Variants in EMC1 observed in about 807,000 individuals in gnomAD.
EMC1 encodes KIAA0090.
Under a neutral mutation model 128.8 loss-of-function variants are expected in EMC1, and 103 were observed. The ratio of observed to expected loss-of-function variants is 0.80; its 90% CI spans 0.68 to 0.94. The LOEUF is 0.94. Ranked by LOEUF, EMC1 falls within the 40% of genes least tolerant of loss-of-function variation. The pLI is 0.00. For synonymous variants in EMC1, 442 were observed against 490.4 expected, an observed-to-expected ratio of 0.90 and a Z score of 1.30; for missense variants, 1,083 against 1,250.6, an observed-to-expected ratio of 0.87 and a Z score of 2.02.
chr1:19,222,150 T>C (rs1377436488), intron 20 of EMC1, among the ~76,000 whole-genome samples: 1 of 151,450 alleles, frequency 6.6e-6, no homozygotes, highest in Non-Finnish European at 1.5e-5. Flanking sequence ...AGAGGTGGTA[T>C]ATCAGAAATG....
chr1:19,226,420 C>G (rs1057432226), intron 18 of EMC1, among the ~76,000 whole-genome samples: 2 of 151,648 alleles, frequency 1.3e-5, no homozygotes, highest in African/African-American at 2.4e-5. Context: ...AGATAGAGAC[C>G]AACCTAGGCA....
intron 12 of EMC1, among the ~76,000 whole-genome samples, chr1:19,236,165 T>G (rs1339507718): frequency 6.8e-6 from 1 of 147,166 alleles, no homozygotes; most frequent in Non-Finnish European, 1.5e-5. Flanking sequence ...CACCTGAGGT[T>G]AGGAGCTTGA....
rs778091054 is a variant in EMC1 at position 19,219,593 on chromosome 1, G to A, written c.2778C>T (p.Pro926=). 1 of 1,614,116 alleles carries A rather than the reference G, an allele frequency of 6.2e-7. No homozygotes were observed. Among genetic ancestry groups the A allele is most frequent in the Non-Finnish European group, 8.5e-7 (1 of 1,180,016 alleles). ...CCAAACAAGTGGACTCCAGACCCGA[G>A]GGAGCTGTGTAGATACCTCGCATTC... ...VSRMRGIYTA[P]SGLESTCLVV... Residue 926 remains proline (P), a synonymous_variant, in exon 22 of 23, where the codon CCC becomes CCT. Transcript: ENST00000477853.
intron 12 of EMC1, 69 bp downstream of exon 12, chr1:19,237,073 A>C: frequency 8.6e-7 from 1 of 1,166,026 alleles, no homozygotes; most frequent in East Asian, 2.3e-5. Flanking sequence ...CCTCCCAAAA[A>C]ACAGTCTGAT....
intron 11 of EMC1, 26 bp downstream of exon 11, chr1:19,237,991 G>C (rs1413159272): frequency 6.2e-7 from 1 of 1,610,688 alleles, no homozygotes; most frequent in Non-Finnish European, 8.5e-7. Context: ...CCACAGGACA[G>C]TCTGCAAAGA....
In EMC1 at chr1:19,215,678, A is replaced by AT. The variant is rs2093379961; in HGVS notation, c.*3624dup. 7.8e-6 allele frequency: 1 copy of AT among 128,144 alleles called. No homozygotes were observed. The highest frequency in any genetic ancestry group is 2.6e-4 in the South Asian group (1 of 3,856). The allele number at this position is 128,144 out of a possible 1,614,324, so 7.9% of individuals were successfully genotyped here. A position where few individuals can be genotyped will look rare whatever the true frequency, so the allele number is the denominator to read the frequency against. On this transcript the variant is annotated 3_prime_UTR_variant, in exon 23 of 23. Transcript: ENST00000477853. The stretch of plus-strand genomic sequence containing the variant: ...AGAATGGTTTCATGATTTAAAAGCA[A>AT]TTTTTTCATTTTATTTATTTTTGAG...
chr1:19,218,157 A>G lies in EMC1; in HGVS notation c.*1146T>C, dbSNP rs1364061594. On this transcript the variant is annotated 3_prime_UTR_variant, in exon 23 of 23. Transcript: ENST00000477853. The stretch of plus-strand genomic sequence containing the variant: ...TTCACCACAGGGCTAGAGATGGTCT[A>G]CTCTGTACATACATTTCACAACAAA... The G allele has an allele frequency of 6.6e-6, 1 of 152,152 alleles. No individual in the cohort carries two copies. Among genetic ancestry groups the G allele is most frequent in the African/African-American group, 2.4e-5 (1 of 41,446 alleles). 9.4% of individuals were successfully genotyped at this position (152,152 alleles called of 1,614,324 possible).
chr1:19,247,712 G>A (rs1039166324), intron 1 of EMC1, among the ~76,000 whole-genome samples: 1 of 152,154 alleles, frequency 6.6e-6, no homozygotes, highest in Non-Finnish European at 1.5e-5. Flanking sequence ...CTGTAAAATA[G>A]TCTCATGCAG....
At chr1:19,230,792 G>C in intron 17 of EMC1, 52 bp downstream of exon 17, 1 of 1,608,866 alleles carries the variant, frequency 6.2e-7, no homozygotes, top group East Asian at 2.2e-5. Context: ...AAATGGCCAG[G>C]AAACACCTGC....
At chr1:19,220,623 T>A in intron 21 of EMC1, 141 bp downstream of exon 21, 1 of 558,972 alleles carries the variant, frequency 1.8e-6, no homozygotes. Context: ...TGAGGGCAGG[T>A]GACTTTTTCA....
Position 19,218,829 on chromosome 1 carries a change from T to G in EMC1, c.*474A>C, listed in dbSNP as rs1214156398. On this transcript the variant is annotated 3_prime_UTR_variant, in exon 23 of 23. Coordinates refer to ENST00000477853, the MANE Select transcript of EMC1 (RefSeq NM_015047.3). ...TTTCTTCCCAGTGCAAAACACCAAA[T>G]GTACCTATAAGGTGGAGTCGGCAAG... The G allele has an allele frequency of 6.1e-6, 1 of 163,992 alleles. No individual in the cohort carries two copies. Among genetic ancestry groups the G allele is most frequent in the African/African-American group, 2.4e-5 (1 of 41,488 alleles). 10.2% of individuals were successfully genotyped at this position (163,992 alleles called of 1,614,324 possible). A position where few individuals can be genotyped will look rare whatever the true frequency, so the allele number is the denominator to read the frequency against.
intron 18 of EMC1, among the ~76,000 whole-genome samples, chr1:19,225,243 G>A (rs181912485): frequency 7.7e-4 from 117 of 152,342 alleles, no homozygotes; most frequent in African/African-American, 2.8e-3. Flanking sequence ...CTGGCCGGGT[G>A]CGGTGGCTCA....
intron 12 of EMC1, among the ~76,000 whole-genome samples, chr1:19,236,315 C>T (rs1360129173): frequency 1.3e-5 from 2 of 150,772 alleles, no homozygotes; most frequent in African/African-American, 2.4e-5. Context: ...GCTGAGATTA[C>T]ACCATTCCAC....
chr1:19,232,351 G>T (rs1250521047), intron 15 of EMC1, among the ~76,000 whole-genome samples: 2 of 152,196 alleles, frequency 1.3e-5, no homozygotes, highest in African/African-American at 4.8e-5. Flanking sequence ...AGAGAGAAGA[G>T]AAAATAGCCA....
chr1:19,234,131 G>A, intron 13 of EMC1: 1 of 975,606 alleles, frequency 1.0e-6, no homozygotes, highest in Non-Finnish European at 1.2e-6. Flanking sequence ...CCAAAAGCTA[G>A]CCATGTGAGC....
rs1357019464 is a variant in EMC1, at chr1:19,245,385, G to A, written c.96-355C>T. 3.3e-5 allele frequency among the ~76,000 whole-genome samples: 5 copies of A among 152,168 alleles called. No homozygotes were observed. The East Asian group carries it at 9.7e-4, about 30-fold the overall frequency. ...GAACCCGGGAGGCGGAGGTTGCAGT[G>A]AGCTGAGATCGCACCATTGCACTTC... On this transcript the variant is annotated intron_variant, in intron 1 of 22. Coordinates refer to ENST00000477853, the MANE Select transcript of EMC1 (RefSeq NM_015047.3).
intron 12 of EMC1, among the ~76,000 whole-genome samples, chr1:19,235,835 G>A (rs1466433544): frequency 6.6e-6 from 1 of 152,204 alleles, no homozygotes; most frequent in African/African-American, 2.4e-5. Flanking sequence ...TGAGGCTGCA[G>A]TGAGCTATGA....
Position 19,219,211 on chromosome 1 carries a change from AC to A in EMC1, c.*91del. 3 of 1,290,234 alleles carry A rather than the reference AC, an allele frequency of 2.3e-6. No homozygotes were observed. Among genetic ancestry groups the A allele is most frequent in the Non-Finnish European group, 3.3e-6 (3 of 902,138 alleles). 79.9% of individuals were successfully genotyped at this position (1,290,234 alleles called of 1,614,324 possible). On this transcript the variant is annotated 3_prime_UTR_variant, in exon 23 of 23. Coordinates refer to ENST00000477853, the MANE Select transcript of EMC1 (RefSeq NM_015047.3). Reference sequence around the variant, plus strand: ...TTCTTAGCTGAGCACTGACACACACACATACTCCACCAATCCACCAAACTGC... The same window carrying A: ...TTCTTAGCTGAGCACTGACACACACAATACTCCACCAATCCACCAAACTGC...
rs756978578 is a variant in EMC1, at chr1:19,238,861, T to C, written c.1027-4A>G. On this transcript the variant is annotated splice_polypyrimidine_tract_variant and splice_region_variant and intron_variant, in intron 9 of 22. Coordinates refer to ENST00000477853, the MANE Select transcript of EMC1 (RefSeq NM_015047.3). ...CTTCAGAACTGCTACTTTTCTGCTA[T>C]GAGAAAGAGAAGGACAGGAGAAAAT... 1.9e-6 allele frequency: 3 copies of C among 1,592,622 alleles called. No homozygotes were observed. Among genetic ancestry groups the C allele is most frequent in the Non-Finnish European group, 2.6e-6 (3 of 1,161,394 alleles).
Sources: allele counts gnomAD v4.1 joint callset (sites outside exome capture counted in the v4.1 genomes callset), GRCh38; gene constraint gnomAD v4.1.1; transcripts MANE v1.5; gene names NCBI Gene and HGNC (gene_info 2026-07-23, HGNC 2026-07-21).